ECPAS: variants seen among roughly 807,000 people sequenced by gnomAD.
ECPAS encodes the protein Ecm29 proteasome adaptor and scaffold, also known as proteasome adapter and scaffold protein ECM29.
In ECPAS, 70 loss-of-function variants were observed where a neutral mutation model predicts 255.1. The observed-to-expected ratio is 0.27, with a 90% CI of 0.23 to 0.33. ECPAS has a LOEUF of 0.33. Ranked by LOEUF, ECPAS falls within the 10% of genes least tolerant of loss-of-function variation. The probability of loss-of-function intolerance (pLI) is 1.00; values close to 1 mark genes in which losing one functional copy is unlikely to be tolerated. For missense variants in ECPAS, 1,817 were observed against 2,206.4 expected, an observed-to-expected ratio of 0.82 and a Z score of 3.54; for synonymous variants, 784 against 775.0, an observed-to-expected ratio of 1.01 and a Z score of -0.19.
At chr9:111,425,588 C>A in intron 11 of ECPAS, 92 bp from the exon 12 acceptor site, 1 of 1,069,906 alleles carries the variant, frequency 9.3e-7, no homozygotes, top group South Asian at 1.7e-5. Context: ...AGAGACATAA[C>A]CGAAATAAGT....
intron 37 of ECPAS, 44 bp downstream of exon 37, chr9:111,376,432 C>G: frequency 6.9e-7 from 1 of 1,443,664 alleles, no homozygotes; most frequent in Non-Finnish European, 9.6e-7. Context: ...ATTACACTTT[C>G]AGGTAAGCAA....
chr9:111,443,727 C>T (rs2098249077), intron 4 of ECPAS, among the ~76,000 whole-genome samples: 1 of 152,092 alleles, frequency 6.6e-6, no homozygotes, highest in Non-Finnish European at 1.5e-5. Context: ...ATAACAGGCT[C>T]CAAAAGGTTT....
At position 111,408,688 on chromosome 9, in the gene ECPAS, AT is replaced by A. The variant is rs2098189028; in HGVS notation, c.2551-17del. ...GTTCTTTCATCTGGAAGAACACCAA[AT>A]TTTTTTCTTTTAAACAGAGTATATA... On this transcript the variant is annotated splice_polypyrimidine_tract_variant and intron_variant, in intron 23 of 49. Transcript: ENST00000684092. 3.3e-6 allele frequency: 5 copies of A among 1,513,280 alleles called. No individual in the cohort carries two copies. The highest frequency in any genetic ancestry group is 1.4e-5 in the African/African-American group (1 of 71,336). 93.7% of individuals were successfully genotyped at this position (1,513,280 alleles called of 1,614,324 possible). A position where few individuals can be genotyped will look rare whatever the true frequency, so the allele number is the denominator to read the frequency against.
intron 1 of ECPAS, among the ~76,000 whole-genome samples, chr9:111,481,376 G>C (rs950182900): frequency 9.2e-5 from 14 of 152,152 alleles, no homozygotes; most frequent in African/African-American, 3.1e-4. Flanking sequence ...CGTGGTGGCG[G>C]GCGCCTGCAG....
At chr9:111,389,115 T>C (rs934640542) in intron 31 of ECPAS, among the ~76,000 whole-genome samples, 6 of 152,202 alleles carry the variant, frequency 3.9e-5, no homozygotes, top group African/African-American at 1.4e-4. Flanking sequence ...GAAATCTTAA[T>C]ATCTAAAAGT....
intron 2 of ECPAS, among the ~76,000 whole-genome samples, chr9:111,453,630 T>A (rs1209391983): frequency 6.6e-6 from 1 of 152,180 alleles, no homozygotes; most frequent in African/African-American, 2.4e-5. Flanking sequence ...ACTATCTTAG[T>A]CCAGTAAGAA....
chr9:111,456,523 T>G (rs530778971), intron 2 of ECPAS, among the ~76,000 whole-genome samples: 1 of 152,306 alleles, frequency 6.6e-6, no homozygotes, highest in Non-Finnish European at 1.5e-5. Flanking sequence ...TGAAAGAATA[T>G]CCAAACGTTC....
intron 24 of ECPAS, among the ~76,000 whole-genome samples, chr9:111,400,435 A>C (rs2098174110): frequency 6.6e-6 from 1 of 152,238 alleles, no homozygotes; most frequent in Non-Finnish European, 1.5e-5. Context: ...AAACAGACTA[A>C]GCAGGCACCA....
chr9:111,425,309 A>G, intron 12 of ECPAS, 109 bp downstream of exon 12: 4 of 672,444 alleles, frequency 5.9e-6, no homozygotes, highest in Non-Finnish European at 9.3e-6. Flanking sequence ...GTTAAGGAAC[A>G]GTGAAACTTT....
intron 3 of ECPAS, among the ~76,000 whole-genome samples, chr9:111,450,658 T>A (rs1198608245): frequency 6.6e-6 from 1 of 152,212 alleles, no homozygotes; most frequent in Non-Finnish European, 1.5e-5. Flanking sequence ...CCAGGCACAG[T>A]GGCTCATGCC....
chr9:111,369,066 G>A lies in ECPAS; in HGVS notation c.5082C>T (p.Gly1694=), dbSNP rs1171152342. ...EYLLGAFESL[G]KAWPRNAETQ... Reference sequence around the variant, plus strand: ...TCTCCGCGTTTCGCGGCCAGGCTTTGCCCAGGCTTTCAAAGGCACCCAGCA... The same window carrying A: ...TCTCCGCGTTTCGCGGCCAGGCTTTACCCAGGCTTTCAAAGGCACCCAGCA... The change falls in exon 46 of 50, where the codon GGC becomes GGT. Residue 1694 remains glycine, a synonymous_variant. Transcript: ENST00000684092. 1 of 1,596,676 alleles carries A rather than the reference G, an allele frequency of 6.3e-7. No individual in the cohort carries two copies. Among genetic ancestry groups the A allele is most frequent in the South Asian group, 1.1e-5 (1 of 87,924 alleles).
intron 36 of ECPAS, among the ~76,000 whole-genome samples, chr9:111,377,482 G>GA (rs1028665047): frequency 6.6e-6 from 1 of 151,988 alleles, no homozygotes; most frequent in Admixed American, 6.6e-5. Context: ...AAGGTACGGA[G>GA]AAAAAAAGAA....
chr9:111,424,054 G>A (rs1264184937), intron 12 of ECPAS, among the ~76,000 whole-genome samples: 1 of 152,068 alleles, frequency 6.6e-6, no homozygotes, highest in Admixed American at 6.6e-5. Context: ...CTCCCCAAGA[G>A]CCCCAGAACA....
At chr9:111,465,501 T>C (rs1050184217) in intron 2 of ECPAS, among the ~76,000 whole-genome samples, 1 of 152,150 alleles carries the variant, frequency 6.6e-6, no homozygotes, top group Non-Finnish European at 1.5e-5. Context: ...GATCGTGCCA[T>C]TGCACTGCAG....
intron 1 of ECPAS, among the ~76,000 whole-genome samples, chr9:111,474,851 A>C (rs755655009): frequency 6.6e-6 from 1 of 152,252 alleles, no homozygotes; most frequent in Non-Finnish European, 1.5e-5. Flanking sequence ...AAGGTAAGGT[A>C]ATTTGTCCAA....
rs780347640 is a variant in ECPAS, at chr9:111,417,476, TG to T, written c.1683+406del. Among the ~76,000 whole-genome samples, 4 of 152,176 alleles carry T rather than the reference TG, an allele frequency of 2.6e-5. No individual in the cohort carries two copies. In the East Asian group the frequency reaches 7.7e-4, roughly 29 times the overall value. Reference sequence around the variant, plus strand: ...AACTTTATGAGTCAGCTGGGCATGGTGGTTCATGCCTGTAAACCTAGCACTT... The same window carrying T: ...AACTTTATGAGTCAGCTGGGCATGGTGTTCATGCCTGTAAACCTAGCACTT... On this transcript the variant is annotated intron_variant, in intron 17 of 49. Coordinates refer to ENST00000684092, the MANE Select transcript of ECPAS (RefSeq NM_001364929.1).
rs759412588 is a variant in ECPAS, at chr9:111,369,072, G to A, written c.5076C>T (p.Ser1692=). Reference sequence around the variant, plus strand: ...CGTTTCGCGGCCAGGCTTTGCCCAGGCTTTCAAAGGCACCCAGCAGATATT... The same window carrying A: ...CGTTTCGCGGCCAGGCTTTGCCCAGACTTTCAAAGGCACCCAGCAGATATT... The part of the protein sequence containing the change: ...QLEYLLGAFE[S]LGKAWPRNAE... Residue 1692 remains serine, a synonymous_variant, in exon 46 of 50, where the codon AGC becomes AGT. Coordinates refer to ENST00000684092, the MANE Select transcript of ECPAS (RefSeq NM_001364929.1). The A allele has an allele frequency of 2.5e-6, 4 of 1,596,936 alleles. No individual in the cohort carries two copies. The highest frequency in any genetic ancestry group is 3.4e-6 in the Non-Finnish European group (4 of 1,174,232).
intron 24 of ECPAS, among the ~76,000 whole-genome samples, chr9:111,402,741 A>G (rs920763844): frequency 6.6e-6 from 1 of 152,208 alleles, no homozygotes. Flanking sequence ...TTTTCTTGTG[A>G]TCAAAGTGAA....
At chr9:111,440,270 G>T in intron 6 of ECPAS, 102 bp downstream of exon 6, 2 of 984,530 alleles carry the variant, frequency 2.0e-6, no homozygotes, top group Admixed American at 2.8e-5. Context: ...TGGATGTTGA[G>T]ATGCATTCAT....
Sources: gnomAD v4.1 joint callset for allele counts (sites outside exome capture counted in the v4.1 genomes callset) on GRCh38, gnomAD v4.1.1 for gene constraint, MANE v1.5 for transcripts, NCBI Gene and HGNC (gene_info 2026-07-23, HGNC 2026-07-21) for gene names.